The following ISG20L2 variants were observed in gnomAD, a reference collection of about 807,000 sequenced individuals.
The protein encoded by ISG20L2 is interferon-stimulated 20 kDa exonuclease-like 2.
A neutral mutation model predicts 27.8 loss-of-function variants in ISG20L2; 14 were observed. That is an observed-to-expected ratio of 0.50 (90% confidence interval 0.33 to 0.79). The LOEUF is 0.79. Ranked by LOEUF, ISG20L2 falls within the 30% of genes least tolerant of loss-of-function variation. ISG20L2 has a pLI of 0.02. For missense variants in ISG20L2, 393 were observed against 435.1 expected (o/e 0.90, Z 0.86); for synonymous variants, 157 against 165.7 (o/e 0.95, Z 0.40).
Position 156,726,771 on chromosome 1 carries a change from C to G in ISG20L2, c.747+135G>C, listed in dbSNP as rs1471107594. On this transcript the variant is annotated intron_variant, in intron 2 of 3. Transcript: ENST00000368219. Reference sequence around the variant, plus strand: ...GCTTCTTCCACCGACAGGGGGCCTTCTTCAACAACTGATAGATTCTCCTCC... The same window carrying G: ...GCTTCTTCCACCGACAGGGGGCCTTGTTCAACAACTGATAGATTCTCCTCC... The G allele has an allele frequency of 8.9e-6, 13 of 1,466,952 alleles. No homozygotes were observed. In the East Asian group the frequency reaches 9.6e-5, roughly 11 times the overall value. The allele number at this position is 1,466,952 out of a possible 1,614,324, so 90.9% of individuals were successfully genotyped here.
chr1:156,727,882 CAG>C, intron 1 of ISG20L2, 113 bp from the exon 2 acceptor site: 9 of 1,303,452 alleles, frequency 6.9e-6, no homozygotes, highest in Non-Finnish European at 8.8e-6. Context: ...ATCTCTCAGA[CAG>C]AGGGGAAATG....
intron 3 of ISG20L2, chr1:156,723,723 A>T: frequency 8.1e-6 from 8 of 985,438 alleles, no homozygotes; most frequent in Non-Finnish European, 9.6e-6. Flanking sequence ...TAGAGATAGA[A>T]CATACCAGGT....
In ISG20L2 at chr1:156,723,479, G is replaced by T. The variant is rs1185033545; in HGVS notation, c.949-17C>A. 2 of 1,614,036 alleles carry T rather than the reference G, an allele frequency of 1.2e-6. No individual in the cohort carries two copies. Among genetic ancestry groups the T allele is most frequent in the South Asian group, 2.2e-5 (2 of 91,086 alleles). Reference sequence around the variant, plus strand: ...CTTCCCAACCTGAGCAAGCAAGGAAGACAAGAGCATGAAGAGAAAAGAAAC... The same window carrying T: ...CTTCCCAACCTGAGCAAGCAAGGAATACAAGAGCATGAAGAGAAAAGAAAC... On this transcript the variant is annotated splice_polypyrimidine_tract_variant and intron_variant, in intron 3 of 3. Coordinates refer to ENST00000368219, the MANE Select transcript of ISG20L2 (RefSeq NM_001370150.2).
rs942864167 is a variant in ISG20L2 at position 156,723,153 on chromosome 1, A to G, written c.*196T>C. On this transcript the variant is annotated 3_prime_UTR_variant, in exon 4 of 4. Transcript: ENST00000368219. ...TCTGACGTGAAGGCTTTCCCCTTCCATGGGACACTTAACCAGACACAGGAC... is the reference window on the plus strand; with the variant it reads ...TCTGACGTGAAGGCTTTCCCCTTCCGTGGGACACTTAACCAGACACAGGAC... 1.4e-5 allele frequency: 9 copies of G among 651,790 alleles called. No individual in the cohort carries two copies. Among genetic ancestry groups the G allele is most frequent in the East Asian group, 1.1e-4 (4 of 35,948 alleles). The allele number at this position is 651,790 out of a possible 1,614,324, so 40.4% of individuals were successfully genotyped here. A position where few individuals can be genotyped will look rare whatever the true frequency, so the allele number is the denominator to read the frequency against.
In ISG20L2 at chr1:156,727,252, G is replaced by A. The variant is rs776242858; in HGVS notation, c.401C>T (p.Thr134Ile). 6.2e-7 allele frequency: 1 copy of A among 1,614,104 alleles called. No individual in the cohort carries two copies. The highest frequency in any genetic ancestry group is 8.5e-7 in the Non-Finnish European group (1 of 1,180,026). ...CTGGGAGCTCTTCTTCTGAGAGCGG[G>A]TTGGGTGGCTATTGATCTTTGGAAG... ...SALPKINSHP[T>I]RSQKKSSQKK... Residue 134 changes from threonine (T) to isoleucine (I), a missense_variant, in exon 2 of 4, where the codon ACC (threonine) becomes ATC (isoleucine). Thr to Ile is a moderately conservative substitution (Grantham distance 89, BLOSUM62 -1). Coordinates refer to ENST00000368219, the MANE Select transcript of ISG20L2 (RefSeq NM_001370150.2).
chr1:156,725,419 A>G (rs1480827230), intron 2 of ISG20L2: 1 of 152,260 alleles, frequency 6.6e-6, no homozygotes, highest in Non-Finnish European at 1.5e-5. Context: ...GTAGGAGGAC[A>G]TGCTACCAAT....
intron 1 of ISG20L2, 94 bp downstream of exon 1, chr1:156,728,321 G>A: frequency 1.0e-6 from 1 of 985,728 alleles, no homozygotes; most frequent in Non-Finnish European, 1.2e-6. Flanking sequence ...ATCTACCAGC[G>A]CGGGGGTGGG....
chr1:156,726,042 C>G (rs1365350387), intron 2 of ISG20L2: 1 of 985,324 alleles, frequency 1.0e-6, no homozygotes, highest in Non-Finnish European at 1.2e-6. Context: ...CCAGCTCACT[C>G]TCCTTTCCGT....
intron 1 of ISG20L2, chr1:156,728,119 CA>C: frequency 2.0e-6 from 2 of 990,570 alleles, no homozygotes; most frequent in Non-Finnish European, 2.4e-6. Context: ...AGGAAAGGAA[CA>C]TCTAGGTATG....
chr1:156,724,284 A>G lies in ISG20L2; in HGVS notation c.812T>C (p.Leu271Pro). 1 of 1,614,040 alleles carries G rather than the reference A, an allele frequency of 6.2e-7. No homozygotes were observed. Among genetic ancestry groups the G allele is most frequent in the African/African-American group, 1.3e-5 (1 of 75,018 alleles). ...GAGGGACTTGGGGTGAAAGTACTGA[A>G]GGGCTTTGAAGTCGTTGTGGATGGC... ...GHAIHNDFKA[L>P]QYFHPKSLTR... The change falls in exon 3 of 4, where the codon CTT becomes CCT. Residue 271 changes from leucine to proline, a missense_variant. By Grantham distance (98) the Leu-to-Pro change is moderately conservative (BLOSUM62 -3). Coordinates refer to ENST00000368219, the MANE Select transcript of ISG20L2 (RefSeq NM_001370150.2).
chr1:156,723,946 T>C lies in ISG20L2; in HGVS notation c.948+202A>G, dbSNP rs570527202. 5 of 1,306,836 alleles carry C rather than the reference T, an allele frequency of 3.8e-6. No homozygotes were observed. In the African/African-American group the frequency reaches 5.9e-5, roughly 15 times the overall value. The allele number at this position is 1,306,836 out of a possible 1,614,324, so 81.0% of individuals were successfully genotyped here. ...AGGGTTTTATATCTACTTAGGACTT[T>C]TTCCCTTTTCCAAAGCACACTTTGA... On this transcript the variant is annotated intron_variant, in intron 3 of 3. Transcript: ENST00000368219.
chr1:156,723,348 A>G lies in ISG20L2; in HGVS notation c.*1T>C, dbSNP rs1261891874. ...TCATATCACCAGCGTCCCCACTGCC[A>G]CTAGTCTGTAGGGGGATTCCGGGCT... On this transcript the variant is annotated 3_prime_UTR_variant, in exon 4 of 4. Coordinates refer to ENST00000368219, the MANE Select transcript of ISG20L2 (RefSeq NM_001370150.2). The G allele has an allele frequency of 1.2e-6, 2 of 1,614,050 alleles. No homozygotes were observed. Among genetic ancestry groups the G allele is most frequent in the East Asian group, 4.5e-5 (2 of 44,874 alleles).
In ISG20L2 at chr1:156,726,907, T is replaced by C; in HGVS notation, c.746A>G (p.Gln249Arg). Residue 249 changes from glutamine to arginine, a missense_variant and splice_region_variant, in exon 2 of 4, where the codon CAG becomes CGG. By Grantham distance (43) the Gln-to-Arg change is conservative (BLOSUM62 1). Coordinates refer to ENST00000368219, the MANE Select transcript of ISG20L2 (RefSeq NM_001370150.2). ...ACCATCAAGCCCCATGCTTCTTACC[T>C]GGCCTCGAGCAATCTTGAAGGGTGT... ...NATPFKIARG[Q>R]ILKILTGKIV... 6.2e-7 allele frequency: 1 copy of C among 1,610,628 alleles called. No homozygotes were observed. Among genetic ancestry groups the C allele is most frequent in the Non-Finnish European group, 8.5e-7 (1 of 1,177,392 alleles).
At chr1:156,728,303 T>C (rs1571498615) in intron 1 of ISG20L2, 112 bp downstream of exon 1, 4 of 985,870 alleles carry the variant, frequency 4.1e-6, no homozygotes, top group East Asian at 1.1e-4. Flanking sequence ...CGCAAGGACC[T>C]TGACACCATC....
intron 2 of ISG20L2, chr1:156,726,555 G>A: frequency 1.0e-5 from 8 of 763,320 alleles, no homozygotes; most frequent in Non-Finnish European, 1.3e-5. Flanking sequence ...TACCACACTT[G>A]GCTAACTTTT....
chr1:156,725,505 G>C (rs1458527783), intron 2 of ISG20L2: 1 of 152,272 alleles, frequency 6.6e-6, no homozygotes, highest in Non-Finnish European at 1.5e-5. Flanking sequence ...TTCAACAAAA[G>C]TGACAGTCCT....
At chr1:156,726,596 C>T (rs957520454) in intron 2 of ISG20L2, 26 of 861,126 alleles carry the variant, frequency 3.0e-5, no homozygotes, top group Non-Finnish European at 3.5e-5. Flanking sequence ...GTTGCCCAGA[C>T]AGGGCTTGAG....
intron 2 of ISG20L2, 37 bp downstream of exon 2, chr1:156,726,869 C>T (rs767515650): frequency 6.3e-7 from 1 of 1,583,054 alleles, no homozygotes; most frequent in Non-Finnish European, 8.6e-7. Context: ...CTCTCTCCAT[C>T]CACCTCCCTG....
Position 156,723,268 on chromosome 1 carries a change from T to C in ISG20L2, c.*81A>G, listed in dbSNP as rs765513040. ...CTAGCTTCCAAAGATGTGGAGCTGG[T>C]GGAGCTGTCCATTGGTCCACTGCCC... On this transcript the variant is annotated 3_prime_UTR_variant, in exon 4 of 4. Transcript: ENST00000368219. 43 of 1,528,708 alleles carry C rather than the reference T, an allele frequency of 2.8e-5. No individual in the cohort carries two copies. The highest frequency in any genetic ancestry group is 3.8e-5 in the Non-Finnish European group (42 of 1,111,356). The allele number at this position is 1,528,708 out of a possible 1,614,324, so 94.7% of individuals were successfully genotyped here.
Sources: gnomAD v4.1 joint callset for allele counts on GRCh38, gnomAD v4.1.1 for gene constraint, MANE v1.5 for transcripts, NCBI Gene and HGNC (gene_info 2026-07-23, HGNC 2026-07-21) for gene names.